TNFRSF19: variants seen among roughly 807,000 people sequenced by gnomAD.
The protein encoded by TNFRSF19 is tumor necrosis factor receptor superfamily member 19.
Under a neutral mutation model 46.4 loss-of-function variants are expected in TNFRSF19, and 27 were observed. The observed-to-expected ratio is 0.58, with a 90% CI of 0.43 to 0.80. TNFRSF19 has a LOEUF of 0.80. Ranked by LOEUF, TNFRSF19 falls within the 30% of genes least tolerant of loss-of-function variation. The pLI is 0.00. For missense variants in TNFRSF19, 511 were observed against 530.8 expected (o/e 0.96, Z 0.37); for synonymous variants, 204 against 205.0 (o/e 1.00, Z 0.04).
At chr13:23,594,002 C>T (rs952275813) in intron 3 of TNFRSF19, among the ~76,000 whole-genome samples, 12 of 152,228 alleles carry the variant, frequency 7.9e-5, no homozygotes, top group Admixed American at 2.6e-4. Flanking sequence ...GCAAGGGGTC[C>T]GGGTACTCCT....
At chr13:23,580,754 C>T (rs1021018381) in intron 1 of TNFRSF19, among the ~76,000 whole-genome samples, 1 of 152,246 alleles carries the variant, frequency 6.6e-6, no homozygotes, top group Non-Finnish European at 1.5e-5. Context: ...TAACACTTAT[C>T]AAATTGTTCT....
intron 3 of TNFRSF19, among the ~76,000 whole-genome samples, chr13:23,614,686 C>T (rs554495842): frequency 4.8e-4 from 71 of 149,296 alleles, no homozygotes; most frequent in African/African-American, 1.5e-3. Context: ...TCACAAAGAC[C>T]GACAACAGGT....
intron 7 of TNFRSF19, among the ~76,000 whole-genome samples, chr13:23,660,870 T>G (rs551284518): frequency 2.2e-4 from 33 of 152,292 alleles, no homozygotes; most frequent in Admixed American, 1.5e-3. Context: ...ATGTCTATTA[T>G]AAAAATATAT....
In TNFRSF19 at chr13:23,604,722, G is replaced by A. The variant is rs181550786; in HGVS notation, c.181-11145G>A. ...AGCTAAGTGTAGTCATCTGGTCTTT[G>A]ACAAAGTAGCAAACAACATGATGGA... On this transcript the variant is annotated intron_variant, in intron 3 of 9. Coordinates refer to ENST00000248484, the MANE Select transcript of TNFRSF19 (RefSeq NM_148957.4). Among the ~76,000 whole-genome samples, 14 of 152,214 alleles carry A rather than the reference G, an allele frequency of 9.2e-5. No individual in the cohort carries two copies. The East Asian group carries it at 2.7e-3, about 29-fold the overall frequency.
chr13:23,662,233 G>T (rs1884412438), intron 7 of TNFRSF19, among the ~76,000 whole-genome samples: 1 of 152,146 alleles, frequency 6.6e-6, no homozygotes, highest in Non-Finnish European at 1.5e-5. Context: ...AAGGGGTCCA[G>T]TTTTAATCTT....
chr13:23,669,285 T>C, intron 9 of TNFRSF19, 188 bp downstream of exon 9: 1 of 1,409,216 alleles, frequency 7.1e-7, no homozygotes, highest in Non-Finnish European at 9.2e-7. Flanking sequence ...ACACAGCTAA[T>C]ATATAAGAGC....
chr13:23,609,222 T>G (rs1593252500), intron 3 of TNFRSF19, among the ~76,000 whole-genome samples: 1 of 152,194 alleles, frequency 6.6e-6, no homozygotes, highest in East Asian at 1.9e-4. Context: ...ATTTTGAAAG[T>G]GTATGAGAAA....
intron 8 of TNFRSF19, 40 bp downstream of exon 8, chr13:23,668,122 G>A: frequency 6.7e-7 from 1 of 1,487,524 alleles, no homozygotes; most frequent in Non-Finnish European, 9.2e-7. Flanking sequence ...ATAACCCCCT[G>A]TGCAAATATG....
chr13:23,631,656 C>T (rs1390326246), intron 5 of TNFRSF19, among the ~76,000 whole-genome samples: 2 of 152,104 alleles, frequency 1.3e-5, no homozygotes, highest in African/African-American at 4.8e-5. Flanking sequence ...AGTAAGAGTA[C>T]CTCTTTTAAA....
intron 3 of TNFRSF19, among the ~76,000 whole-genome samples, chr13:23,605,934 C>T (rs957066552): frequency 6.6e-6 from 1 of 152,022 alleles, no homozygotes; most frequent in African/African-American, 2.4e-5. Context: ...CAAGAATAAA[C>T]CCTAATGTAA....
At chr13:23,667,904 G>A in intron 7 of TNFRSF19, 76 bp from the exon 8 acceptor site, 2 of 1,206,916 alleles carry the variant, frequency 1.7e-6, no homozygotes, top group Non-Finnish European at 1.1e-6. Context: ...ATTTCCGAGA[G>A]CAGTGTTGAA....
chr13:23,626,529 A>G (rs1241983480), intron 4 of TNFRSF19, among the ~76,000 whole-genome samples, 178 bp from the exon 5 acceptor site: 2 of 152,032 alleles, frequency 1.3e-5, no homozygotes, highest in African/African-American at 4.8e-5. Flanking sequence ...AGGGGAATTG[A>G]TATTTCTTAA....
intron 3 of TNFRSF19, among the ~76,000 whole-genome samples, chr13:23,614,769 A>ATATATATATATATATATATATATATATAT (rs59907466): frequency 4.1e-5 from 6 of 147,206 alleles, no homozygotes; most frequent in African/African-American, 5.1e-5. Flanking sequence ...ATATATATAT[A>ATATATATATATATATATATATATATATAT]GTACCTGGCA....
intron 3 of TNFRSF19, among the ~76,000 whole-genome samples, chr13:23,595,193 A>G (rs982495957): frequency 6.6e-6 from 1 of 152,234 alleles, no homozygotes; most frequent in African/African-American, 2.4e-5. Context: ...AAACCAGAAC[A>G]TCTCTTCTCC....
chr13:23,614,820 T>TA (rs1881160809), intron 3 of TNFRSF19, among the ~76,000 whole-genome samples: 1 of 150,144 alleles, frequency 6.7e-6, no homozygotes, highest in African/African-American at 2.5e-5. Context: ...ACTCTGGAAT[T>TA]AGACGATGTA....
At chr13:23,636,048 G>A (rs1456428775) in intron 5 of TNFRSF19, among the ~76,000 whole-genome samples, 1 of 152,092 alleles carries the variant, frequency 6.6e-6, no homozygotes, top group South Asian at 2.1e-4. Flanking sequence ...GCCTCAGAGG[G>A]GTCCGTTAGT....
In TNFRSF19 at chr13:23,630,599, A is replaced by G. The variant is rs1593270865; in HGVS notation, c.445+3807A>G. Among the ~76,000 whole-genome samples the G allele has an allele frequency of 2.0e-5, 3 of 152,338 alleles. No individual in the cohort carries two copies. The East Asian group carries it at 5.8e-4, about 29-fold the overall frequency. ...TGAGTGACACTCCTGTAAACTGCAG[A>G]TAAATAAAAGACACCCATTACATAG... On this transcript the variant is annotated intron_variant, in intron 5 of 9. Coordinates refer to ENST00000248484, the MANE Select transcript of TNFRSF19 (RefSeq NM_148957.4).
intron 5 of TNFRSF19, among the ~76,000 whole-genome samples, chr13:23,656,812 GGCT>G (rs950502593): frequency 6.6e-6 from 1 of 152,104 alleles, no homozygotes; most frequent in Non-Finnish European, 1.5e-5. Context: ...CCTTCTCTGT[GGCT>G]GCTATTTCAA....
At chr13:23,576,658 A>G (rs1877978227) in intron 1 of TNFRSF19, among the ~76,000 whole-genome samples, 1 of 152,224 alleles carries the variant, frequency 6.6e-6, no homozygotes, top group Non-Finnish European at 1.5e-5. Context: ...TATGCTCTGA[A>G]TCATCTCTGT....
Sources: gnomAD v4.1 joint callset for allele counts (sites outside exome capture counted in the v4.1 genomes callset) on GRCh38, gnomAD v4.1.1 for gene constraint, MANE v1.5 for transcripts, NCBI Gene and HGNC (gene_info 2026-07-23, HGNC 2026-07-21) for gene names.